HCN1: variants seen among roughly 807,000 people sequenced by gnomAD.
HCN1 encodes the protein potassium/sodium hyperpolarization-activated cyclic nucleotide-gated channel 1.
HCN1 carries 13 observed loss-of-function variants against 78.9 expected under a neutral mutation model. The observed-to-expected ratio is 0.16, with a 90% CI of 0.11 to 0.26. The LOEUF is 0.26. Ranked by LOEUF, HCN1 falls within the 10% of genes least tolerant of loss-of-function variation. HCN1 has a pLI of 1.00. For synonymous variants in HCN1, 552 were observed against 455.5 expected, an observed-to-expected ratio of 1.21 and a Z score of -2.70; for missense variants, 810 against 1,154.3, an observed-to-expected ratio of 0.70 and a Z score of 4.32.
At chr5:45,270,906 A>G (rs1744949126) in intron 6 of HCN1, among the ~76,000 whole-genome samples, 1 of 152,184 alleles carries the variant, frequency 6.6e-6, no homozygotes, top group Admixed American at 6.5e-5. Flanking sequence ...TTTCTAAACC[A>G]TTATTTACAA....
chr5:45,663,089 G>T (rs997585754), intron 1 of HCN1, among the ~76,000 whole-genome samples: 1 of 149,632 alleles, frequency 6.7e-6, no homozygotes, highest in Non-Finnish European at 1.5e-5. Flanking sequence ...AAACAGCATG[G>T]TACTGGTACC....
chr5:45,500,266 C>T (rs1742162255), intron 2 of HCN1, among the ~76,000 whole-genome samples: 1 of 152,066 alleles, frequency 6.6e-6, no homozygotes, highest in African/African-American at 2.4e-5. Context: ...TCAGGATAAA[C>T]AGAAGGTTAT....
chr5:45,388,463 G>A (rs1244708554), intron 4 of HCN1, among the ~76,000 whole-genome samples: 1 of 152,136 alleles, frequency 6.6e-6, no homozygotes, highest in Non-Finnish European at 1.5e-5. Context: ...ATGCAGACAA[G>A]AACAATACCC....
At chr5:45,655,319 C>G (rs1580022917) in intron 1 of HCN1, among the ~76,000 whole-genome samples, 1 of 151,878 alleles carries the variant, frequency 6.6e-6, no homozygotes, top group Non-Finnish European at 1.5e-5. Context: ...CTCAAACAAC[C>G]AAAGAGGTAC....
chr5:45,646,761 A>T (rs1171787803), intron 1 of HCN1, among the ~76,000 whole-genome samples: 1 of 152,128 alleles, frequency 6.6e-6, no homozygotes, highest in African/African-American at 2.4e-5. Context: ...TTAATCAAAT[A>T]TTTATAGTTG....
rs1303246047 is a variant in HCN1 at position 45,351,696 on chromosome 5, C to CCCA, written c.1377+1401_1377+1403dup. 5.6e-4 allele frequency among the ~76,000 whole-genome samples: 81 copies of CCCA among 145,804 alleles called. No individual in the cohort carries two copies. The East Asian group carries it at 0.015, about 28-fold the overall frequency. ...AATTTATAAGAAAAAAACAAACAAC[C>CCCA]CCATCAAAAAGTGGGCAAAGGACAT... On this transcript the variant is annotated intron_variant, in intron 5 of 7. Transcript: ENST00000303230.
rs554521573 is a variant in HCN1, at chr5:45,348,368, A to G, written c.1377+4732T>C. ...CCCTAAAAGAGCTCCTGAAGGAAGC[A>G]CTAAACATGGAAAGGAACGACCGGT... is the stretch of plus-strand genomic sequence containing the variant. On this transcript the variant is annotated intron_variant, in intron 5 of 7. Coordinates refer to ENST00000303230, the MANE Select transcript of HCN1 (RefSeq NM_021072.4). 1.4e-3 allele frequency among the ~76,000 whole-genome samples: 214 copies of G among 152,336 alleles called. 1 individual carries two copies. The highest frequency in any genetic ancestry group is 5.1e-3 in the African/African-American group (211 of 41,592).
chr5:45,558,389 A>G (rs1174877011), intron 2 of HCN1: 1 of 152,160 alleles, frequency 6.6e-6, no homozygotes, highest in Non-Finnish European at 1.5e-5. Context: ...ATAAAAGTGT[A>G]AGATAAAGCA....
chr5:45,462,781 G>A (rs1392162110), intron 2 of HCN1, among the ~76,000 whole-genome samples: 1 of 151,848 alleles, frequency 6.6e-6, no homozygotes, highest in Non-Finnish European at 1.5e-5. Context: ...TTTTATAAAT[G>A]GAAACAAATA....
intron 6 of HCN1, among the ~76,000 whole-genome samples, chr5:45,289,388 T>C (rs1745329620): frequency 6.6e-6 from 1 of 152,088 alleles, no homozygotes. Context: ...TGTACTTGCA[T>C]ACTTTGTTGA....
intron 1 of HCN1, among the ~76,000 whole-genome samples, chr5:45,694,621 G>T (rs2112107116): frequency 6.6e-6 from 1 of 152,176 alleles, no homozygotes; most frequent in South Asian, 2.1e-4. Flanking sequence ...AACGAGTTCG[G>T]CCAAATAAAT....
chr5:45,645,422 A>G lies in HCN1; in HGVS notation c.612T>C (p.Ser204=). 6.2e-7 allele frequency: 1 copy of G among 1,613,662 alleles called. No homozygotes were observed. Among genetic ancestry groups the G allele is most frequent in the Non-Finnish European group, 8.5e-7 (1 of 1,179,724 alleles). ...TCACTTTGGGGTCCAGGATGATTTC[A>G]GAACTGTCTTCATTGACAGTCCCAG... The part of the protein sequence containing the change: ...FRTGTVNEDS[S]EIILDPKVIK... Residue 204 remains serine, a synonymous_variant, in exon 2 of 8, where the codon TCT becomes TCC. Transcript: ENST00000303230.
At chr5:45,335,669 A>G (rs1746438910) in intron 5 of HCN1, among the ~76,000 whole-genome samples, 1 of 152,098 alleles carries the variant, frequency 6.6e-6, no homozygotes, top group Non-Finnish European at 1.5e-5. Flanking sequence ...TAAGAGCTCT[A>G]TCCTATTTTT....
intron 2 of HCN1, among the ~76,000 whole-genome samples, chr5:45,638,807 C>T (rs1164285943): frequency 6.6e-6 from 1 of 152,102 alleles, no homozygotes; most frequent in African/African-American, 2.4e-5. Context: ...GAGGCTGAGA[C>T]AGGAGAATCA....
chr5:45,372,935 A>C (rs528741140), intron 4 of HCN1, among the ~76,000 whole-genome samples: 1 of 142,232 alleles, frequency 7.0e-6, no homozygotes, highest in Admixed American at 7.4e-5. Flanking sequence ...TATTTTATAC[A>C]TAAAAATATA....
At chr5:45,275,418 T>C (rs980755022) in intron 6 of HCN1, among the ~76,000 whole-genome samples, 3 of 152,154 alleles carry the variant, frequency 2.0e-5, no homozygotes, top group Non-Finnish European at 4.4e-5. Flanking sequence ...AATACAAAGC[T>C]CTCATCTGGT....
intron 2 of HCN1, among the ~76,000 whole-genome samples, chr5:45,494,817 T>C (rs1265987999): frequency 1.3e-5 from 2 of 152,238 alleles, no homozygotes; most frequent in Non-Finnish European, 2.9e-5. Flanking sequence ...TTTCTACATA[T>C]GGCTAGCCAG....
chr5:45,634,543 C>T, intron 2 of HCN1, among the ~76,000 whole-genome samples: 1 of 151,858 alleles, frequency 6.6e-6, no homozygotes, highest in East Asian at 1.9e-4. Context: ...TAATATTATT[C>T]TAAAGTCAGT....
At chr5:45,496,135 T>C (rs1054114934) in intron 2 of HCN1, among the ~76,000 whole-genome samples, 1 of 152,104 alleles carries the variant, frequency 6.6e-6, no homozygotes, top group African/African-American at 2.4e-5. Context: ...TAGGGAGGAT[T>C]CCCTCTTTTT....
Sources: gnomAD v4.1 joint callset for allele counts (sites outside exome capture counted in the v4.1 genomes callset) on GRCh38, gnomAD v4.1.1 for gene constraint, MANE v1.5 for transcripts, NCBI Gene and HGNC (gene_info 2026-07-23, HGNC 2026-07-21) for gene names.